The following ZNF521 variants were observed in gnomAD, a reference collection of about 807,000 sequenced individuals.
ZNF521 encodes the protein zinc finger protein 521, also known as LYST-interacting protein 3.
ZNF521 carries 14 observed loss-of-function variants against 105.5 expected under a neutral mutation model. The observed-to-expected ratio is 0.13, with a 90% CI of 0.09 to 0.21. The LOEUF is 0.21. ZNF521 is among the 10% of genes least tolerant of loss of function. ZNF521 has a pLI of 1.00. For synonymous variants in ZNF521, 635 were observed against 606.0 expected (o/e 1.05, Z -0.70); for missense variants, 1,233 against 1,629.7 (o/e 0.76, Z 4.19).
intron 5 of ZNF521, among the ~76,000 whole-genome samples, chr18:25,094,987 T>C (rs2033823286): frequency 6.6e-6 from 1 of 152,172 alleles, no homozygotes. Context: ...TTATCCTTAT[T>C]CAGAGTCTTT....
intron 3 of ZNF521, among the ~76,000 whole-genome samples, chr18:25,288,655 C>G (rs1015281997): frequency 6.6e-6 from 1 of 151,856 alleles, no homozygotes; most frequent in African/African-American, 2.4e-5. Flanking sequence ...TTAAATACCC[C>G]CAAGGAAAAA....
At chr18:25,090,868 C>A (rs1466250004) in intron 6 of ZNF521, among the ~76,000 whole-genome samples, 1 of 152,052 alleles carries the variant, frequency 6.6e-6, no homozygotes, top group African/African-American at 2.4e-5. Context: ...GATGGTAAAC[C>A]ATAGCAGTAT....
intron 3 of ZNF521, among the ~76,000 whole-genome samples, chr18:25,304,801 C>A (rs9949844): frequency 0.18 from 27,204 of 152,100 alleles, 3,223 homozygotes; most frequent in African/African-American, 0.33. Context: ...CCATATTAGC[C>A]ATTCTGGTAT....
At position 25,068,027 on chromosome 18, in the gene ZNF521, C is replaced by T. The variant is rs183960751; in HGVS notation, c.3907-5286G>A. Reference sequence around the variant, plus strand: ...TTAAAACTAAGTAAAAGAGCCAGCACGCTATTTTAAAAAGGAATGAAAAAA... The same window carrying T: ...TTAAAACTAAGTAAAAGAGCCAGCATGCTATTTTAAAAAGGAATGAAAAAA... On this transcript the variant is annotated intron_variant, in intron 7 of 7. Transcript: ENST00000361524. Among the ~76,000 whole-genome samples the T allele has an allele frequency of 1.7e-3, 257 of 152,086 alleles. 1 individual carries two copies. The highest frequency in any genetic ancestry group is 6.0e-3 in the African/African-American group (248 of 41,468).
chr18:25,261,660 CT>C lies in ZNF521; in HGVS notation c.221-33964del, dbSNP rs138854571. Among the ~76,000 whole-genome samples, 1,417 of 148,176 alleles carry C rather than the reference CT, an allele frequency of 9.6e-3. 25 individuals carry two copies. Among genetic ancestry groups the C allele is most frequent in the African/African-American group, 0.033 (1,351 of 40,510 alleles). The stretch of plus-strand genomic sequence containing the variant: ...TCTATTTTTTCTCTCTGTGTATATG[CT>C]TTTTTTTTTAATTTTTAAAAGCCAC... On this transcript the variant is annotated intron_variant, in intron 3 of 7. Transcript: ENST00000361524.
intron 3 of ZNF521, among the ~76,000 whole-genome samples, chr18:25,272,712 T>C (rs911800561): frequency 6.6e-6 from 1 of 150,918 alleles, no homozygotes; most frequent in South Asian, 2.1e-4. Flanking sequence ...AGTTGTACAA[T>C]GAGGACACAG....
rs773416116 is a variant in ZNF521, at chr18:25,350,964, G to C, written c.-1-17C>G. 6.5e-7 allele frequency: 1 copy of C among 1,545,274 alleles called. No homozygotes were observed. The highest frequency in any genetic ancestry group is 1.2e-5 in the South Asian group (1 of 83,608). Reference sequence around the variant, plus strand: ...CGAGACATCCTAAAAGCAAACAGCTGAAGTTGTTTCAATTCAGCCCTGAAA... The same window carrying C: ...CGAGACATCCTAAAAGCAAACAGCTCAAGTTGTTTCAATTCAGCCCTGAAA... On this transcript the variant is annotated splice_polypyrimidine_tract_variant and intron_variant, in intron 1 of 7. Coordinates refer to ENST00000361524, the MANE Select transcript of ZNF521 (RefSeq NM_015461.3).
intron 7 of ZNF521, among the ~76,000 whole-genome samples, chr18:25,082,317 G>A (rs1010316916): frequency 9.9e-5 from 15 of 152,178 alleles, no homozygotes; most frequent in Admixed American, 2.6e-4. Context: ...TGGATCTAAG[G>A]ATGTAAAGAG....
chr18:25,265,115 ATTT>A (rs1284879992), intron 3 of ZNF521, among the ~76,000 whole-genome samples: 6 of 152,210 alleles, frequency 3.9e-5, no homozygotes, highest in Non-Finnish European at 7.3e-5. Context: ...CATGACATAC[ATTT>A]TTAAAAATAT....
chr18:25,194,019 A>C (rs1239000201), intron 5 of ZNF521, among the ~76,000 whole-genome samples: 1 of 151,870 alleles, frequency 6.6e-6, no homozygotes, highest in African/African-American at 2.4e-5. Context: ...AATTTATATA[A>C]GAAAAATTGA....
intron 5 of ZNF521, among the ~76,000 whole-genome samples, chr18:25,097,583 G>A (rs1008837162): frequency 2.6e-5 from 4 of 152,106 alleles, no homozygotes; most frequent in African/African-American, 7.2e-5. Flanking sequence ...TACGCCACAT[G>A]AGAGAGGAAC....
At chr18:25,286,608 C>T (rs1165306009) in intron 3 of ZNF521, among the ~76,000 whole-genome samples, 1 of 152,184 alleles carries the variant, frequency 6.6e-6, no homozygotes, top group Non-Finnish European at 1.5e-5. Flanking sequence ...AATAATCAGT[C>T]ACATCTCATA....
At chr18:25,156,164 C>T (rs1337190167) in intron 5 of ZNF521, among the ~76,000 whole-genome samples, 1 of 152,078 alleles carries the variant, frequency 6.6e-6, no homozygotes, top group Non-Finnish European at 1.5e-5. Context: ...TAGGTTTTCC[C>T]ATTATTATAA....
chr18:25,226,356 C>T lies in ZNF521; in HGVS notation c.1562G>A (p.Gly521Glu). 6.2e-7 allele frequency: 1 copy of T among 1,614,104 alleles called. No homozygotes were observed. The highest frequency in any genetic ancestry group is 1.1e-5 in the South Asian group (1 of 91,060). Residue 521 changes from glycine to glutamate, a missense_variant, in exon 4 of 8, where the codon GGG becomes GAG. By Grantham distance (98) the Gly-to-Glu change is moderately conservative. Around this residue, in one of 6 missense-constraint regions of ZNF521, gnomAD observed 380 missense variants for 478.0 expected, o/e 0.80. Transcript: ENST00000361524. The surrounding 1 kb of genome is among the most constrained non-coding windows in gnomAD (Gnocchi z 4.1). ...NAFFCPHCYM[G>E]FLTDSSLEEH... Reference sequence around the variant, plus strand: ...TTCCAGGGAAGAGTCAGTGAGAAACCCCATATAGCAATGGGGACAAAAGAA... The same window carrying T: ...TTCCAGGGAAGAGTCAGTGAGAAACTCCATATAGCAATGGGGACAAAAGAA...
intron 2 of ZNF521, among the ~76,000 whole-genome samples, chr18:25,324,211 C>T (rs1351024073): frequency 6.6e-6 from 1 of 151,858 alleles, no homozygotes; most frequent in African/African-American, 2.4e-5. Flanking sequence ...TGGTGAGAAA[C>T]GGAAGGAGAA....
At chr18:25,292,598 T>C (rs545863240) in intron 3 of ZNF521, among the ~76,000 whole-genome samples, 2 of 152,220 alleles carry the variant, frequency 1.3e-5, no homozygotes, top group African/African-American at 4.8e-5. Flanking sequence ...GCGTGTATCA[T>C]TAAGAAATAC....
intron 5 of ZNF521, among the ~76,000 whole-genome samples, chr18:25,174,459 A>G (rs1013693558): frequency 6.6e-6 from 1 of 152,220 alleles, no homozygotes; most frequent in African/African-American, 2.4e-5. Flanking sequence ...TCAAGCTAGT[A>G]TAAATAATGA....
Position 25,224,963 on chromosome 18 carries a change from A to C in ZNF521, c.2955T>G (p.Leu985=), listed in dbSNP as rs1482044469. 1.2e-6 allele frequency: 2 copies of C among 1,613,922 alleles called. No individual in the cohort carries two copies. Among genetic ancestry groups the C allele is most frequent in the Admixed American group, 3.3e-5 (2 of 59,994 alleles). Residue 985 remains leucine, a synonymous_variant, in exon 4 of 8, where the codon CTT becomes CTG. Transcript: ENST00000361524. ...TGCAAATCCGGCAGTTTCCAGTATCAAGACTCTTACTATGCGTGACTTTGT... is the reference window on the plus strand; with the variant it reads ...TGCAAATCCGGCAGTTTCCAGTATCCAGACTCTTACTATGCGTGACTTTGT... ...TEHKVTHSKS[L]DTGNCRICKM...
intron 5 of ZNF521, among the ~76,000 whole-genome samples, chr18:25,116,626 A>T (rs565019918): frequency 6.6e-6 from 1 of 152,122 alleles, no homozygotes; most frequent in Admixed American, 6.5e-5. Flanking sequence ...AACAATCATC[A>T]ACCTGAAGGC....
Sources: gnomAD v4.1 joint callset for allele counts (sites outside exome capture counted in the v4.1 genomes callset) on GRCh38, gnomAD v4.1.1 for gene constraint, gnomAD v4.1.1 regional missense constraint, Gnocchi (gnomAD v3.1) non-coding constraint, MANE v1.5 for transcripts, NCBI Gene and HGNC (gene_info 2026-07-23, HGNC 2026-07-21) for gene names.